The following GRIA1 variants were observed in gnomAD, a reference collection of about 807,000 sequenced individuals.
The protein encoded by GRIA1 is glutamate receptor 1.
A neutral mutation model predicts 99.2 loss-of-function variants in GRIA1; 31 were observed. The observed-to-expected ratio is 0.31, with a 90% CI of 0.23 to 0.42. The LOEUF (loss-of-function observed/expected upper bound fraction) is 0.42. GRIA1 is among the 10% of genes least tolerant of loss of function. The pLI, the probability that GRIA1 is intolerant of heterozygous loss-of-function variation, is 1.00. For missense variants in GRIA1, 782 were observed against 1,157.5 expected (o/e 0.68, Z 4.71); for synonymous variants, 438 against 432.4 (o/e 1.01, Z -0.16).
At chr5:153,644,141 T>C (rs1561721676) in intron 2 of GRIA1, among the ~76,000 whole-genome samples, 1 of 152,232 alleles carries the variant, frequency 6.6e-6, no homozygotes, top group African/African-American at 2.4e-5. Context: ...TCACCCTGGA[T>C]GATGGATTGT....
At chr5:153,765,075 T>G (rs1040496049) in intron 12 of GRIA1, among the ~76,000 whole-genome samples, 1 of 150,940 alleles carries the variant, frequency 6.6e-6, no homozygotes, top group Non-Finnish European at 1.5e-5. Flanking sequence ...GGATAGTATA[T>G]GGGAAAAAAA....
In GRIA1 at chr5:153,554,780, C is replaced by T. The variant is rs149016761; in HGVS notation, c.220+60715C>T. On this transcript the variant is annotated intron_variant, in intron 2 of 15. Transcript: ENST00000285900. ...AAGTGCTGGAATTACAGGCATGAGC[C>T]ACTGCACCTGGCCAGGAAGTGGCAT... is the stretch of plus-strand genomic sequence containing the variant. 1.4e-4 allele frequency among the ~76,000 whole-genome samples: 21 copies of T among 152,350 alleles called. No homozygotes were observed. In the East Asian group the frequency reaches 4.1e-3, roughly 29 times the overall value.
chr5:153,778,830 G>A (rs538299492), intron 13 of GRIA1, among the ~76,000 whole-genome samples: 1 of 152,180 alleles, frequency 6.6e-6, no homozygotes, highest in Non-Finnish European at 1.5e-5. Flanking sequence ...TTGCTTGACT[G>A]CACCATTTGT....
intron 12 of GRIA1, 130 bp downstream of exon 12, chr5:153,764,762 G>T: frequency 3.1e-6 from 2 of 651,450 alleles, no homozygotes; most frequent in Non-Finnish European, 5.4e-6. Context: ...GTAAGTCAGG[G>T]AAACTCAGGA....
At chr5:153,734,711 G>A (rs1477422145) in intron 11 of GRIA1, among the ~76,000 whole-genome samples, 1 of 152,192 alleles carries the variant, frequency 6.6e-6, no homozygotes. Flanking sequence ...CAGATCAGGG[G>A]ATAGGCCAGG....
chr5:153,645,534 G>A (rs531048224), intron 2 of GRIA1, among the ~76,000 whole-genome samples: 1 of 152,260 alleles, frequency 6.6e-6, no homozygotes, highest in Admixed American at 6.5e-5. Flanking sequence ...GATAAAAATG[G>A]GTAGAATTCC....
chr5:153,517,227 T>C (rs1438305278), intron 2 of GRIA1, among the ~76,000 whole-genome samples: 2 of 152,202 alleles, frequency 1.3e-5, no homozygotes, highest in African/African-American at 4.8e-5. Context: ...TTTCTCTGAA[T>C]ATTCAATTGA....
intron 11 of GRIA1, among the ~76,000 whole-genome samples, chr5:153,745,986 G>T (rs563165390): frequency 6.6e-6 from 1 of 152,294 alleles, no homozygotes; most frequent in Non-Finnish European, 1.5e-5. Flanking sequence ...CTTTTAGGTT[G>T]TTCCTGTTCT....
chr5:153,680,424 T>C (rs992895910), intron 7 of GRIA1, among the ~76,000 whole-genome samples: 2 of 152,138 alleles, frequency 1.3e-5, no homozygotes, highest in African/African-American at 4.8e-5. Flanking sequence ...CAAGTCGGGT[T>C]CTTAACATAG....
chr5:153,779,847 A>G (rs539314205), intron 13 of GRIA1, among the ~76,000 whole-genome samples: 1 of 152,358 alleles, frequency 6.6e-6, no homozygotes, highest in South Asian at 2.1e-4. Context: ...GGCATGAGCC[A>G]CCATGCCCAT....
chr5:153,724,834 T>C (rs1410445689), intron 11 of GRIA1, among the ~76,000 whole-genome samples: 1 of 152,130 alleles, frequency 6.6e-6, no homozygotes, highest in Non-Finnish European at 1.5e-5. Context: ...CAGGATATTA[T>C]CCAGGAGAAC....
rs190717193 is a variant in GRIA1 at position 153,503,700 on chromosome 5, C to T, written c.220+9635C>T. Among the ~76,000 whole-genome samples the T allele has an allele frequency of 1.7e-3, 259 of 152,164 alleles. 4 individuals are homozygous for T. The highest frequency in any genetic ancestry group is 5.6e-3 in the African/African-American group (231 of 41,516). On this transcript the variant is annotated intron_variant, in intron 2 of 15. Coordinates refer to ENST00000285900, the MANE Select transcript of GRIA1 (RefSeq NM_000827.4). ...TTATGATTCAATCCATGAAAATGGA[C>T]GAAATATGTGGATCATAAGAGTTTC...
chr5:153,791,967 T>C (rs1204375467), intron 13 of GRIA1, among the ~76,000 whole-genome samples: 2 of 151,486 alleles, frequency 1.3e-5, no homozygotes, highest in African/African-American at 2.4e-5. Context: ...ACTCCCACAC[T>C]GCATGGACTA....
chr5:153,534,070 T>G (rs1157712812), intron 2 of GRIA1, among the ~76,000 whole-genome samples: 1 of 152,240 alleles, frequency 6.6e-6, no homozygotes, highest in Non-Finnish European at 1.5e-5. Context: ...CTCAGGGTTT[T>G]GGGGCTATGC....
At position 153,812,842 on chromosome 5, in the gene GRIA1, G is replaced by A. The variant is rs1028691540; in HGVS notation, c.*1617G>A. The A allele has an allele frequency of 6.6e-6, 1 of 152,192 alleles. No individual in the cohort carries two copies. The highest frequency in any genetic ancestry group is 6.5e-5 in the Admixed American group (1 of 15,278). 9.4% of individuals were successfully genotyped at this position (152,192 alleles called of 1,614,324 possible). A position where few individuals can be genotyped will look rare whatever the true frequency, so the allele number is the denominator to read the frequency against. On this transcript the variant is annotated 3_prime_UTR_variant, in exon 16 of 16. Coordinates refer to ENST00000285900, the MANE Select transcript of GRIA1 (RefSeq NM_000827.4). Reference sequence around the variant, plus strand: ...AGCTCTCCAGCAGTCACTCTCCTAGGTGCATGATTCAGTGCGTGCCATGTG... The same window carrying A: ...AGCTCTCCAGCAGTCACTCTCCTAGATGCATGATTCAGTGCGTGCCATGTG...
chr5:153,621,767 A>G (rs1374307995), intron 2 of GRIA1, among the ~76,000 whole-genome samples: 1 of 152,200 alleles, frequency 6.6e-6, no homozygotes, highest in Non-Finnish European at 1.5e-5. Flanking sequence ...TCTGATATTA[A>G]CCATGAGATA....
intron 11 of GRIA1, among the ~76,000 whole-genome samples, chr5:153,722,497 G>A (rs945213807): frequency 6.6e-6 from 1 of 151,944 alleles, no homozygotes; most frequent in Non-Finnish European, 1.5e-5. Flanking sequence ...TGAGAGAGAG[G>A]GTCAAGATTT....
At chr5:153,660,877 T>C (rs1312139733) in intron 5 of GRIA1, among the ~76,000 whole-genome samples, 1 of 152,192 alleles carries the variant, frequency 6.6e-6, no homozygotes, top group Admixed American at 6.5e-5. Flanking sequence ...AAAATTATTA[T>C]TTCTAGTGTG....
At chr5:153,795,460 T>TC in intron 14 of GRIA1, 2 of 1,342,088 alleles carry the variant, frequency 1.5e-6, no homozygotes, top group Non-Finnish European at 2.1e-6. Flanking sequence ...TTATGTTATT[T>TC]CCCCCCTGGT....
Sources: gnomAD v4.1 joint callset for allele counts (sites outside exome capture counted in the v4.1 genomes callset) on GRCh38, gnomAD v4.1.1 for gene constraint, MANE v1.5 for transcripts, NCBI Gene and HGNC (gene_info 2026-07-23, HGNC 2026-07-21) for gene names.